RFX4: variants seen among roughly 807,000 people sequenced by gnomAD.
RFX4 encodes regulatory factor X4.
Under a neutral mutation model 95.0 loss-of-function variants are expected in RFX4, and 10 were observed. That is an observed-to-expected ratio of 0.11 (90% CI 0.06 to 0.18). The LOEUF is 0.18. RFX4 is among the 10% of genes least tolerant of loss of function. RFX4 has a pLI of 1.00. For synonymous variants in RFX4, 321 were observed against 340.7 expected (o/e 0.94, Z 0.64); for missense variants, 640 against 922.0 (o/e 0.69, Z 3.96).
chr12:106,676,960 A>G (rs1433243895), intron 4 of RFX4, among the ~76,000 whole-genome samples: 1 of 152,146 alleles, frequency 6.6e-6, no homozygotes, highest in African/African-American at 2.4e-5. Context: ...GTTGGACTGG[A>G]TGCATTCAAA....
At chr12:106,718,847 A>G (rs545866680) in intron 11 of RFX4, among the ~76,000 whole-genome samples, 7 of 151,988 alleles carry the variant, frequency 4.6e-5, no homozygotes, top group Admixed American at 2.6e-4. Context: ...GTGGTGGTGC[A>G]CGCCTGTAAT....
intron 17 of RFX4, 27 bp downstream of exon 17, chr12:106,750,820 C>T: frequency 3.3e-6 from 5 of 1,513,974 alleles, no homozygotes; most frequent in Non-Finnish European, 4.4e-6. Context: ...GGTTTCTTGG[C>T]CAGGCCTTGG....
chr12:106,653,509 G>T (rs1248477490), intron 3 of RFX4, among the ~76,000 whole-genome samples: 1 of 152,164 alleles, frequency 6.6e-6, no homozygotes, highest in African/African-American at 2.4e-5. Flanking sequence ...CTTGCCCAAG[G>T]TCACCAAGCC....
At chr12:106,653,104 G>A (rs1364639035) in intron 3 of RFX4, among the ~76,000 whole-genome samples, 2 of 152,172 alleles carry the variant, frequency 1.3e-5, no homozygotes, top group African/African-American at 4.8e-5. Flanking sequence ...ATGACCCTAA[G>A]AGAAGTTCCC....
chr12:106,748,447 C>A (rs2042935866), intron 16 of RFX4, among the ~76,000 whole-genome samples: 1 of 152,110 alleles, frequency 6.6e-6, no homozygotes, highest in South Asian at 2.1e-4. Context: ...GTGTTTTATG[C>A]CCTGGAAAAA....
intron 4 of RFX4, among the ~76,000 whole-genome samples, chr12:106,674,335 T>C (rs892372883): frequency 6.9e-6 from 1 of 144,140 alleles, no homozygotes; most frequent in Non-Finnish European, 1.5e-5. Context: ...ATTTTCTTTC[T>C]TTTTTTTTTT....
intron 17 of RFX4, 24 bp from the exon 18 acceptor site, chr12:106,761,173 T>A (rs762903301): frequency 6.2e-7 from 1 of 1,601,214 alleles, no homozygotes; most frequent in African/African-American, 1.3e-5. Flanking sequence ...TTTAACTTTG[T>A]GGAATTTCTT....
chr12:106,652,843 G>T (rs1221510199), intron 3 of RFX4, among the ~76,000 whole-genome samples: 1 of 152,166 alleles, frequency 6.6e-6, no homozygotes, highest in Admixed American at 6.5e-5. Flanking sequence ...ACAGCGCTGG[G>T]CCACTTCTTT....
At chr12:106,672,120 G>A (rs778572750) in intron 4 of RFX4, among the ~76,000 whole-genome samples, 2 of 152,028 alleles carry the variant, frequency 1.3e-5, no homozygotes, top group East Asian at 1.9e-4. Context: ...ATGCCATCTC[G>A]GAAATTCTTG....
At chr12:106,648,646 G>A (rs201268709) in intron 3 of RFX4, among the ~76,000 whole-genome samples, 23 of 135,462 alleles carry the variant, frequency 1.7e-4, no homozygotes, top group African/African-American at 6.0e-4. Context: ...TTTTTTTTTG[G>A]TAAAAGAGAA....
chr12:106,673,294 C>A (rs2041321791), intron 4 of RFX4, among the ~76,000 whole-genome samples: 1 of 152,198 alleles, frequency 6.6e-6, no homozygotes, highest in Non-Finnish European at 1.5e-5. Flanking sequence ...TCCTCCCTGG[C>A]AGCTGGTCAC....
intron 1 of RFX4, among the ~76,000 whole-genome samples, chr12:106,589,904 A>G (rs768280493): frequency 1.3e-5 from 2 of 152,218 alleles, no homozygotes; most frequent in Non-Finnish European, 2.9e-5. Context: ...GGCACAGACA[A>G]ATCTTGGCTT....
intron 4 of RFX4, among the ~76,000 whole-genome samples, chr12:106,656,092 C>T (rs1015469081): frequency 3.3e-5 from 5 of 152,214 alleles, no homozygotes; most frequent in South Asian, 2.1e-4. Context: ...TCAGTTTAAG[C>T]GCACGCCTTC....
chr12:106,750,013 C>T (rs534296080), intron 16 of RFX4, among the ~76,000 whole-genome samples: 1 of 152,132 alleles, frequency 6.6e-6, no homozygotes, highest in African/African-American at 2.4e-5. Flanking sequence ...TTAAACACAG[C>T]AGGAGTAGAG....
Position 106,761,230 on chromosome 12 carries a change from C to T in RFX4, c.1969C>T (p.Pro657Ser), listed in dbSNP as rs756688374. The change falls in exon 18 of 18, where the codon CCT (proline) becomes TCT (serine). Residue 657 changes from proline to serine, a missense_variant. Physicochemically the swap from Pro to Ser is moderately conservative, Grantham distance 74 (BLOSUM62 -1). Transcript: ENST00000392842. ...PFNSPTSRME[P>S]CLMSSTPRLH... ...TAATAGCCCCACTTCCCGGATGGAA[C>T]CTTGTTTGATGAGCAGTACTCCCAG... 1 of 1,614,068 alleles carries T rather than the reference C, an allele frequency of 6.2e-7. No homozygotes were observed. The highest frequency in any genetic ancestry group is 1.1e-5 in the South Asian group (1 of 91,076).
chr12:106,618,901 A>G (rs532548300), intron 2 of RFX4, among the ~76,000 whole-genome samples: 8 of 152,214 alleles, frequency 5.3e-5, no homozygotes, highest in African/African-American at 1.7e-4. Flanking sequence ...TCAATTATAC[A>G]TTCTTTTAGA....
intron 8 of RFX4, among the ~76,000 whole-genome samples, chr12:106,697,738 C>G (rs904541516): frequency 6.6e-6 from 1 of 151,866 alleles, no homozygotes; most frequent in African/African-American, 2.4e-5. Flanking sequence ...GCTTCCTGCT[C>G]TGTGTGTGTG....
chr12:106,598,002 T>A (rs1366674414), intron 1 of RFX4, among the ~76,000 whole-genome samples: 3 of 152,230 alleles, frequency 2.0e-5, no homozygotes, highest in East Asian at 3.8e-4. Flanking sequence ...TTCTATGTGC[T>A]TTCTGTGCAT....
At chr12:106,600,020 C>T (rs1340948014) in intron 1 of RFX4, among the ~76,000 whole-genome samples, 2 of 152,170 alleles carry the variant, frequency 1.3e-5, no homozygotes, top group Non-Finnish European at 2.9e-5. Flanking sequence ...TACTCAAAAA[C>T]TTTATGAGCT....
Sources: gnomAD v4.1 joint callset for allele counts (sites outside exome capture counted in the v4.1 genomes callset) on GRCh38, gnomAD v4.1.1 for gene constraint, MANE v1.5 for transcripts, NCBI Gene and HGNC (gene_info 2026-07-23, HGNC 2026-07-21) for gene names.